ZFPM1: variants seen among roughly 807,000 people sequenced by gnomAD.
ZFPM1 encodes the protein zinc finger protein, FOG family member 1, also known as zinc finger protein ZFPM1.
In ZFPM1, 28 loss-of-function variants were observed where a neutral mutation model predicts 46.3. The observed-to-expected ratio is 0.60, with a 90% CI of 0.45 to 0.83. The LOEUF is 0.83. Ranked by LOEUF, ZFPM1 falls within the 40% of genes least tolerant of loss-of-function variation. The probability of loss-of-function intolerance (pLI) is 0.00; values close to 1 mark genes in which losing one functional copy is unlikely to be tolerated. For missense variants in ZFPM1, 1,878 were observed against 1,432.4 expected (o/e 1.31, Z -5.02); for synonymous variants, 957 against 675.9 (o/e 1.42, Z -6.45).
chr16:88,478,659 T>C (rs1475674847), intron 1 of ZFPM1, among the ~76,000 whole-genome samples: 1 of 152,114 alleles, frequency 6.6e-6, no homozygotes, highest in Non-Finnish European at 1.5e-5. Context: ...GCTGGGGTGC[T>C]GGAAGGGAGG....
rs1030987174 is a variant in ZFPM1, at chr16:88,499,941, G to A, written c.268+10788G>A. 2.6e-5 allele frequency among the ~76,000 whole-genome samples: 4 copies of A among 152,348 alleles called. No homozygotes were observed. In the East Asian group the frequency reaches 7.7e-4, roughly 29 times the overall value. ...GGATGCCCCATGAGGAGCGCAGCCG[G>A]AGCCCTGGGTCTCCAGCCATCCTGG... On this transcript the variant is annotated intron_variant, in intron 3 of 9. Coordinates refer to ENST00000319555, the MANE Select transcript of ZFPM1 (RefSeq NM_153813.3).
intron 3 of ZFPM1, among the ~76,000 whole-genome samples, chr16:88,504,661 T>C (rs1382364960): frequency 6.6e-6 from 1 of 152,086 alleles, no homozygotes; most frequent in Non-Finnish European, 1.5e-5. Context: ...GGCCCCCCTG[T>C]GTACCGTGGC....
intron 1 of ZFPM1, among the ~76,000 whole-genome samples, chr16:88,460,018 C>T (rs1260830956): frequency 1.3e-5 from 2 of 151,818 alleles, no homozygotes; most frequent in African/African-American, 4.8e-5. Context: ...GACACCCACC[C>T]TCTAGCTGGC....
chr16:88,506,467 C>T lies in ZFPM1; in HGVS notation c.269-7920C>T, dbSNP rs1261479863. On this transcript the variant is annotated intron_variant, in intron 3 of 9. Transcript: ENST00000319555. ...GGGCTTAACTGCAATGCTGGGCACA[C>T]AATAACACAGAATAATCCAGAAAGG... Among the ~76,000 whole-genome samples the T allele has an allele frequency of 4.5e-5, 5 of 111,430 alleles. No individual in the cohort carries two copies. In the Admixed American group the frequency reaches 5.6e-4, roughly 12 times the overall value. 73.1% of individuals were successfully genotyped at this position (111,430 alleles called of 152,430 possible).
chr16:88,524,294 G>A (rs1015760892), intron 4 of ZFPM1, among the ~76,000 whole-genome samples: 16 of 152,130 alleles, frequency 1.1e-4, no homozygotes, highest in African/African-American at 2.4e-4. Context: ...AGTAGCCGCC[G>A]GTCACCCACC....
In ZFPM1 at chr16:88,532,660, C is replaced by G. The variant is rs1400395056; in HGVS notation, c.993C>G (p.Thr331=). The change falls in exon 8 of 10, where the codon ACC becomes ACG. Residue 331 remains threonine, a synonymous_variant. Transcript: ENST00000319555. ...TGATCTGCCTGTCGGCCTTCACCAC[C>G]AAGGCCAACTGCGAGCGGCACCTCA... The part of the protein sequence containing the change: ...VCLICLSAFT[T]KANCERHLKV... 4.2e-5 allele frequency: 67 copies of G among 1,598,938 alleles called. No individual in the cohort carries two copies. Among genetic ancestry groups the G allele is most frequent in the Non-Finnish European group, 5.6e-5 (66 of 1,172,886 alleles).
intron 1 of ZFPM1, among the ~76,000 whole-genome samples, chr16:88,457,220 A>C (rs1358562024): frequency 6.6e-6 from 1 of 152,190 alleles, no homozygotes; most frequent in East Asian, 1.9e-4. Context: ...TATGAACATG[A>C]GTGGGATGTC....
At chr16:88,521,815 C>T (rs970272985) in intron 4 of ZFPM1, among the ~76,000 whole-genome samples, 12 of 135,536 alleles carry the variant, frequency 8.9e-5, no homozygotes, top group Admixed American at 6.0e-4. Flanking sequence ...CTGTTCCCTC[C>T]CCTGTGCTGT....
At position 88,526,883 on chromosome 16, in the gene ZFPM1, G is replaced by C; in HGVS notation, c.472G>C (p.Glu158Gln). The part of the protein sequence containing the change: ...WLRTLPQALT[E>Q]AEANTEIHRK... Reference sequence around the variant, plus strand: ...GAGGACGCTGCCCCAGGCCCTGACTGAGGCCGAGGCCAACACAGAGATCCA... The same window carrying C: ...GAGGACGCTGCCCCAGGCCCTGACTCAGGCCGAGGCCAACACAGAGATCCA... Residue 158 changes from glutamate (E) to glutamine (Q), a missense_variant, in exon 5 of 10, where the codon GAG becomes CAG. By Grantham distance (29) the Glu-to-Gln change is conservative. Coordinates refer to ENST00000319555, the MANE Select transcript of ZFPM1 (RefSeq NM_153813.3). 1 of 1,580,560 alleles carries C rather than the reference G, an allele frequency of 6.3e-7. No individual in the cohort carries two copies. Among genetic ancestry groups the C allele is most frequent in the African/African-American group, 1.3e-5 (1 of 74,390 alleles).
Position 88,465,837 on chromosome 16 carries a change from C to T in ZFPM1, c.40+12159C>T, listed in dbSNP as rs555676773. ...GATCCGAGATCCGGCGCTGATGGAG[C>T]GATTAGCGGCGATTAGAGCCCGGCG... On this transcript the variant is annotated intron_variant, in intron 1 of 9. Transcript: ENST00000319555. 2.5e-3 allele frequency among the ~76,000 whole-genome samples: 382 copies of T among 152,226 alleles called. 1 individual carries two copies. The highest frequency in any genetic ancestry group is 0.012 in the South Asian group (59 of 4,826).
At position 88,534,307 on chromosome 16, in the gene ZFPM1, T is replaced by G. The variant is rs1913091944; in HGVS notation, c.2349T>G (p.Pro783=). ...SGSGSGPGLA[P]ARSPGPAADG... ...GCGGAAGCGGCCCCGGCCTCGCCCC[T>G]GCGCGCTCGCCCGGCCCCGCGGCCG... is the stretch of plus-strand genomic sequence containing the variant. The change falls in exon 10 of 10, where the codon CCT becomes CCG. Residue 783 remains proline (P), a synonymous_variant. Coordinates refer to ENST00000319555, the MANE Select transcript of ZFPM1 (RefSeq NM_153813.3). 6 of 1,288,994 alleles carry G rather than the reference T, an allele frequency of 4.7e-6. No homozygotes were observed. The highest frequency in any genetic ancestry group is 5.9e-6 in the Non-Finnish European group (6 of 1,021,690). 79.8% of individuals were successfully genotyped at this position (1,288,994 alleles called of 1,614,324 possible). A position where few individuals can be genotyped will look rare whatever the true frequency, so the allele number is the denominator to read the frequency against.
At chr16:88,524,034 T>C (rs1050360068) in intron 4 of ZFPM1, among the ~76,000 whole-genome samples, 19 of 152,246 alleles carry the variant, frequency 1.2e-4, no homozygotes, top group African/African-American at 4.6e-4. Flanking sequence ...ACGCTGCTCC[T>C]GGGAGTGATA....
intron 3 of ZFPM1, among the ~76,000 whole-genome samples, chr16:88,513,493 G>C (rs1461329224): frequency 6.6e-6 from 1 of 152,236 alleles, no homozygotes; most frequent in Non-Finnish European, 1.5e-5. Flanking sequence ...GGCCACGTGA[G>C]GCCTCTGTGG....
Position 88,465,264 on chromosome 16 carries a change from A to G in ZFPM1, c.40+11586A>G, listed in dbSNP as rs77127613. 2.4e-3 allele frequency among the ~76,000 whole-genome samples: 361 copies of G among 152,350 alleles called. 1 individual carries two copies. Among genetic ancestry groups the G allele is most frequent in the African/African-American group, 8.2e-3 (340 of 41,594 alleles). ...CGTCTGCTCAGAAGACAAACAGCAG[A>G]AACATGTCATAATGCTGGAAACAGG... On this transcript the variant is annotated intron_variant, in intron 1 of 9. Transcript: ENST00000319555.
intron 1 of ZFPM1, among the ~76,000 whole-genome samples, chr16:88,461,209 A>AGGGGG (rs1555522126): frequency 2.8e-5 from 1 of 35,832 alleles, no homozygotes; most frequent in Admixed American, 3.6e-4. Context: ...GTGAGGACCC[A>AGGGGG]GGGGCGGGAG....
rs558014977 is a variant in ZFPM1 at position 88,510,789 on chromosome 16, C to T, written c.269-3598C>T. Among the ~76,000 whole-genome samples the T allele has an allele frequency of 2.0e-5, 3 of 152,334 alleles. No homozygotes were observed. In the South Asian group the frequency reaches 6.2e-4, roughly 32 times the overall value. The stretch of plus-strand genomic sequence containing the variant: ...GCCCTGGGGCTCTGGTTCAAACCCA[C>T]CCACCCACTGCCTACCCTTGGGCCA... On this transcript the variant is annotated intron_variant, in intron 3 of 9. Coordinates refer to ENST00000319555, the MANE Select transcript of ZFPM1 (RefSeq NM_153813.3).
At chr16:88,514,968 T>C (rs138174724) in intron 4 of ZFPM1, among the ~76,000 whole-genome samples, 7 of 152,280 alleles carry the variant, frequency 4.6e-5, no homozygotes, top group Non-Finnish European at 1.0e-4. Context: ...CTCCATGGCC[T>C]CGGCACGTGT....
intron 1 of ZFPM1, among the ~76,000 whole-genome samples, chr16:88,456,665 G>A (rs577196539): frequency 3.3e-5 from 5 of 152,352 alleles, no homozygotes; most frequent in Non-Finnish European, 4.4e-5. Context: ...TGCTGTCGGG[G>A]GAGCAAGGGC....
At chr16:88,461,178 AGGGGC>A (rs141123132) in intron 1 of ZFPM1, among the ~76,000 whole-genome samples, 281 of 27,352 alleles carry the variant, frequency 0.01, 3 homozygotes, top group African/African-American at 0.028. Flanking sequence ...GTGAGGACCG[AGGGGC>A]GGGGCGGGAG....
Sources: gnomAD v4.1 joint callset for allele counts (sites outside exome capture counted in the v4.1 genomes callset) on GRCh38, gnomAD v4.1.1 for gene constraint, MANE v1.5 for transcripts, NCBI Gene and HGNC (gene_info 2026-07-23, HGNC 2026-07-21) for gene names.